Variants in CREBBP observed in about 807,000 individuals in gnomAD.
The protein encoded by CREBBP is CREB binding lysine acetyltransferase.
In CREBBP, 19 loss-of-function variants were observed where a neutral mutation model predicts 265.0. That is an observed-to-expected ratio of 0.07 (90% CI 0.05 to 0.11). CREBBP has a LOEUF of 0.11. Among genes scored for constraint, CREBBP ranks in the 10% least tolerant of loss-of-function variants. The pLI is 1.00. For synonymous variants in CREBBP, 1,457 were observed against 1,223.7 expected, an observed-to-expected ratio of 1.19 and a Z score of -3.98; for missense variants, 2,525 against 3,219.0, an observed-to-expected ratio of 0.78 and a Z score of 5.22.
At chr16:3,732,734 C>T (rs558487670) in intron 28 of CREBBP, among the ~76,000 whole-genome samples, 1 of 151,768 alleles carries the variant, frequency 6.6e-6, no homozygotes, top group African/African-American at 2.4e-5. Context: ...GAGTCTCGCT[C>T]TTGTCACCCA....
At chr16:3,752,731 C>T (rs769668149) in intron 19 of CREBBP, among the ~76,000 whole-genome samples, 16 of 152,272 alleles carry the variant, frequency 1.1e-4, no homozygotes, top group Non-Finnish European at 2.2e-4. Context: ...AAAGACTTAG[C>T]GAATGACTGT....
chr16:3,849,177 C>T (rs2054730215), intron 2 of CREBBP, among the ~76,000 whole-genome samples: 1 of 152,072 alleles, frequency 6.6e-6, no homozygotes, highest in African/African-American at 2.4e-5. Context: ...GCAGAGCATC[C>T]ACAGTGTTTG....
intron 2 of CREBBP, among the ~76,000 whole-genome samples, chr16:3,829,074 A>T (rs893244706): frequency 5.9e-5 from 9 of 152,184 alleles, no homozygotes; most frequent in African/African-American, 2.2e-4. Context: ...AAAAAATTAC[A>T]TGGTAATCAA....
Position 3,753,556 on chromosome 16 carries a change from A to AT in CREBBP, c.3699-1751dup, listed in dbSNP as rs925212602. Among the ~76,000 whole-genome samples, 285 of 149,732 alleles carry AT rather than the reference A, an allele frequency of 1.9e-3. 1 individual carries two copies. The highest frequency in any genetic ancestry group is 5.2e-3 in the African/African-American group (212 of 40,818). ...GATTAATGTTTTTCTTTAAATATGT[A>AT]TTTTTTTTTTCCCTGAATGAACTAT... On this transcript the variant is annotated intron_variant, in intron 19 of 30. Transcript: ENST00000262367.
At chr16:3,736,469 G>C in intron 27 of CREBBP, 181 bp downstream of exon 27, 1 of 938,934 alleles carries the variant, frequency 1.1e-6, no homozygotes, top group Non-Finnish European at 1.6e-6. Flanking sequence ...AGACGGCCAG[G>C]GGAAAGCCTC....
rs2052431628 is a variant in CREBBP, at chr16:3,749,763, A to G, written c.3780-80T>C. The G allele has an allele frequency of 3.1e-5, 27 of 881,870 alleles. No individual in the cohort carries two copies. The South Asian group carries it at 3.4e-4, about 11-fold the overall frequency. 54.6% of individuals were successfully genotyped at this position (881,870 alleles called of 1,614,324 possible). On this transcript the variant is annotated intron_variant, in intron 20 of 30. Coordinates refer to ENST00000262367, the MANE Select transcript of CREBBP (RefSeq NM_004380.3). ...TAAACTATAGGGTCTCTGGAATGTT[A>G]TTTTGTAACTAGTTCTTCAAACAAA...
chr16:3,825,175 T>C (rs1483490970), intron 2 of CREBBP, among the ~76,000 whole-genome samples: 4 of 152,240 alleles, frequency 2.6e-5, no homozygotes, highest in African/African-American at 9.6e-5. Flanking sequence ...AGTTGGCATT[T>C]CTCAGTATTA....
At chr16:3,738,411 G>T in intron 26 of CREBBP, 148 bp downstream of exon 26, 1 of 649,374 alleles carries the variant, frequency 1.5e-6, no homozygotes. Flanking sequence ...GGAGCACCTG[G>T]AAAGAGGAGC....
chr16:3,775,244 T>C (rs1156826276), intron 11 of CREBBP, among the ~76,000 whole-genome samples: 1 of 152,192 alleles, frequency 6.6e-6, no homozygotes, highest in Non-Finnish European at 1.5e-5. Flanking sequence ...TCTTTTAATT[T>C]TGCAAGCACC....
chr16:3,844,572 C>A (rs1403867085), intron 2 of CREBBP, among the ~76,000 whole-genome samples: 1 of 152,124 alleles, frequency 6.6e-6, no homozygotes, highest in Non-Finnish European at 1.5e-5. Context: ...TAACAGAACA[C>A]TAAATACACT....
At chr16:3,817,121 G>C (rs2054051313) in intron 2 of CREBBP, among the ~76,000 whole-genome samples, 1 of 152,224 alleles carries the variant, frequency 6.6e-6, no homozygotes, top group Admixed American at 6.5e-5. Flanking sequence ...TTGGTTTTCA[G>C]AATGGTGAAA....
chr16:3,770,423 T>A (rs560969370), intron 14 of CREBBP, 147 bp downstream of exon 14: 3 of 959,698 alleles, frequency 3.1e-6, no homozygotes, highest in East Asian at 4.8e-5. Flanking sequence ...CTTGAACTCA[T>A]GGGCTCAAGT....
intron 3 of CREBBP, among the ~76,000 whole-genome samples, chr16:3,807,479 C>T (rs956779997): frequency 6.6e-6 from 1 of 152,190 alleles, no homozygotes; most frequent in African/African-American, 2.4e-5. Context: ...ATGCAAAAGT[C>T]TGTGGGTTTT....
chr16:3,793,784 TC>T (rs1180276652), intron 3 of CREBBP, among the ~76,000 whole-genome samples, 158 bp from the exon 4 acceptor site: 3 of 150,948 alleles, frequency 2.0e-5, no homozygotes, highest in African/African-American at 7.3e-5. Flanking sequence ...TTTAAGAAGA[TC>T]CAGCAGCACA....
chr16:3,774,542 T>C, intron 12 of CREBBP, 27 bp downstream of exon 12: 2 of 1,613,816 alleles, frequency 1.2e-6, no homozygotes, highest in Non-Finnish European at 1.7e-6. Flanking sequence ...GAGGGCTATC[T>C]GCAGCACAGC....
chr16:3,845,572 T>A (rs964662991), intron 2 of CREBBP, among the ~76,000 whole-genome samples: 7 of 152,118 alleles, frequency 4.6e-5, no homozygotes, highest in Admixed American at 3.9e-4. Flanking sequence ...TCACTCCTTA[T>A]GCCAAAATAA....
chr16:3,774,832 C>T (rs1317926897), intron 11 of CREBBP, 139 bp from the exon 12 acceptor site: 1 of 1,136,116 alleles, frequency 8.8e-7, no homozygotes, highest in Non-Finnish European at 1.3e-6. Flanking sequence ...CCCAATTAAT[C>T]AATGAAGATG....
chr16:3,766,847 T>TA (rs1486658977), intron 16 of CREBBP, among the ~76,000 whole-genome samples: 2 of 152,102 alleles, frequency 1.3e-5, no homozygotes, highest in Non-Finnish European at 2.9e-5. Flanking sequence ...TAGTTTCCAG[T>TA]AGAGTAAGCA....
rs1335229827 is a variant in CREBBP at position 3,880,629 on chromosome 16, G to T, written c.-713C>A. ...GAGCGGGGTGCGCGGGCGGTTGTGG[G>T]GCCCGGGACCGGCGGGGCCGAGTAG... is the stretch of plus-strand genomic sequence containing the variant. On this transcript the variant is annotated 5_prime_UTR_variant, in exon 1 of 31. Transcript: ENST00000262367. The T allele has an allele frequency of 1.4e-5, 2 of 147,956 alleles. No homozygotes were observed. Among genetic ancestry groups the T allele is most frequent in the Admixed American group, 1.3e-4 (2 of 14,894 alleles). The allele number at this position is 147,956 out of a possible 1,614,324, so 9.2% of individuals were successfully genotyped here.
Sources: gnomAD v4.1 joint callset for allele counts (sites outside exome capture counted in the v4.1 genomes callset) on GRCh38, gnomAD v4.1.1 for gene constraint, MANE v1.5 for transcripts, NCBI Gene and HGNC (gene_info 2026-07-23, HGNC 2026-07-21) for gene names.